The following WFDC5 variants were observed in gnomAD, a reference collection of about 807,000 sequenced individuals.
WFDC5 encodes the protein WAP four-disulfide core domain protein 5.
In WFDC5, 15 loss-of-function variants were observed where a neutral mutation model predicts 15.7. The ratio of observed to expected loss-of-function variants is 0.96; its 90% CI spans 0.64 to 1.47. The LOEUF (loss-of-function observed/expected upper bound fraction) is 1.47. Among genes scored for constraint, WFDC5 ranks in the 40% most tolerant of loss-of-function variants. The probability of loss-of-function intolerance (pLI) is 0.00; values close to 1 mark genes in which losing one functional copy is unlikely to be tolerated. For missense variants in WFDC5, 280 were observed against 258.0 expected, an observed-to-expected ratio of 1.09 and a Z score of -0.59; for synonymous variants, 109 against 107.7, an observed-to-expected ratio of 1.01 and a Z score of -0.07.
intron 1 of WFDC5, among the ~76,000 whole-genome samples, chr20:45,113,344 C>T (rs894155446): frequency 2.6e-5 from 4 of 152,218 alleles, no homozygotes; most frequent in East Asian, 3.9e-4. Flanking sequence ...CAATGTCTTA[C>T]AGGAGAGAAA....
chr20:45,113,048 A>G (rs185119790), intron 1 of WFDC5, among the ~76,000 whole-genome samples: 1 of 152,324 alleles, frequency 6.6e-6, no homozygotes, highest in African/African-American at 2.4e-5. Context: ...ATACATAAGC[A>G]TACACAGTCA....
At chr20:45,112,055 G>GC (rs1981635624) in intron 1 of WFDC5, among the ~76,000 whole-genome samples, 1 of 152,078 alleles carries the variant, frequency 6.6e-6, no homozygotes, top group Non-Finnish European at 1.5e-5. Flanking sequence ...CATCCTACGT[G>GC]CGCTAAGTCA....
chr20:45,110,374 C>A (rs746872319), exon 3 of WFDC5: 3 of 1,578,550 alleles, frequency 1.9e-6, no homozygotes, highest in Non-Finnish European at 2.6e-6. Context: ...GGGGAGGCAC[C>A]TGCCCTGGGC....
At chr20:45,112,659 A>G (rs1981653441) in intron 1 of WFDC5, among the ~76,000 whole-genome samples, 1 of 152,202 alleles carries the variant, frequency 6.6e-6, no homozygotes, top group Non-Finnish European at 1.5e-5. Context: ...TTAAATATAT[A>G]CACTTGTACA....
rs760437042 is a variant in WFDC5, at chr20:45,109,995, A to T, written c.412T>A (p.Ser138Thr). 46 of 1,613,972 alleles carry T rather than the reference A, an allele frequency of 2.9e-5. No individual in the cohort carries two copies. In the African/African-American group the frequency reaches 3.3e-4, roughly 12 times the overall value. ...CCCCAGCTTAGGTGCAGAGCCACAG[A>T]TCCTAAATCAGAATTAGCCTGAGGA... The change falls in exon 4 of 4, where the codon TCT becomes ACT. Residue 138 changes from serine to threonine, a missense_variant. Coordinates refer to ENST00000307971, the Ensembl canonical transcript of WFDC5.
At chr20:45,112,257 T>C (rs970900119) in intron 1 of WFDC5, among the ~76,000 whole-genome samples, 7 of 152,084 alleles carry the variant, frequency 4.6e-5, no homozygotes, top group Non-Finnish European at 1.0e-4. Context: ...TGCGCAGGCC[T>C]CAAAGGGTGG....
chr20:45,115,104 G>C (rs752811480), exon 1 of WFDC5: 3 of 1,608,318 alleles, frequency 1.9e-6, no homozygotes, highest in Non-Finnish European at 2.5e-6. Flanking sequence ...CCGGCTCAGG[G>C]CCCAGGGCCC....
At chr20:45,115,186 A>C (rs1015648400), upstream of WFDC5, 7 of 1,092,100 alleles carry the variant, frequency 6.4e-6, no homozygotes, top group African/African-American at 6.3e-5. Flanking sequence ...GGGGGTGTGG[A>C]GTGACACCGT....
intron 1 of WFDC5, among the ~76,000 whole-genome samples, chr20:45,111,294 GC>G (rs1353739868): frequency 1.4e-5 from 1 of 70,682 alleles, no homozygotes. Context: ...CCCCACCCCG[GC>G]CCCCACACAC....
upstream of WFDC5, among the ~76,000 whole-genome samples, chr20:45,116,049 T>C (rs1390760409): frequency 6.6e-6 from 1 of 152,192 alleles, no homozygotes; most frequent in African/African-American, 2.4e-5. Flanking sequence ...AATTCCTGAC[T>C]AAGCTGGGAC....
exon 4 of WFDC5, chr20:45,109,807 G>A: frequency 1.3e-6 from 1 of 764,330 alleles, no homozygotes; most frequent in Non-Finnish European, 2.3e-6. Context: ...CCGAGCTCAG[G>A]CTATGGACTT....
chr20:45,115,501 TG>T (rs1198485587), upstream of WFDC5, among the ~76,000 whole-genome samples: 1 of 151,514 alleles, frequency 6.6e-6, no homozygotes, highest in Non-Finnish European at 1.5e-5. Flanking sequence ...AGCAAAGGAG[TG>T]GGGGTTTGCA....
chr20:45,110,263 T>C, intron 3 of WFDC5, 137 bp downstream of exon 3: 3 of 1,437,270 alleles, frequency 2.1e-6, no homozygotes, highest in Non-Finnish European at 2.8e-6. Flanking sequence ...CTCCAACCCC[T>C]ATCCAGTTTC....
intron 3 of WFDC5, 66 bp downstream of exon 3, chr20:45,110,334 T>A: frequency 6.5e-7 from 1 of 1,541,278 alleles, no homozygotes; most frequent in South Asian, 1.2e-5. Flanking sequence ...CTTGTAGCAA[T>A]GAAGAAAGTA....
At chr20:45,115,896 A>T (rs982771650), upstream of WFDC5, among the ~76,000 whole-genome samples, 9 of 152,178 alleles carry the variant, frequency 5.9e-5, no homozygotes, top group Middle Eastern at 3.2e-3. Flanking sequence ...CATTTGGTAG[A>T]AGAGAGGGAG....
intron 1 of WFDC5, among the ~76,000 whole-genome samples, chr20:45,111,161 TCCTTTG>T: frequency 6.6e-6 from 1 of 152,306 alleles, no homozygotes; most frequent in Admixed American, 6.5e-5. Flanking sequence ...TCGGGCCGCA[TCCTTTG>T]CCTAGTGCAC....
At chr20:45,114,026 G>A (rs938543019) in intron 1 of WFDC5, among the ~76,000 whole-genome samples, 1 of 152,202 alleles carries the variant, frequency 6.6e-6, no homozygotes, top group Non-Finnish European at 1.5e-5. Context: ...CTTGTTAAGT[G>A]GTTCCCCGCT....
chr20:45,110,436 T>A, exon 3 of WFDC5: 1 of 1,612,538 alleles, frequency 6.2e-7, no homozygotes, highest in Non-Finnish European at 8.5e-7. Flanking sequence ...CCGCAGGCGC[T>A]GTGGCAGCAT....
At chr20:45,113,455 T>C in intron 1 of WFDC5, among the ~76,000 whole-genome samples, 1 of 152,194 alleles carries the variant, frequency 6.6e-6, no homozygotes, top group East Asian at 1.9e-4. Flanking sequence ...CTGTGCCAGC[T>C]CTTTGCCTCT....
Sources: gnomAD v4.1 joint callset for allele counts (sites outside exome capture counted in the v4.1 genomes callset) on GRCh38, gnomAD v4.1.1 for gene constraint, MANE v1.5 for transcripts, NCBI Gene and HGNC (gene_info 2026-07-23, HGNC 2026-07-21) for gene names.